Variants in CDH18 observed in about 807,000 individuals in gnomAD.
CDH18 encodes cadherin-18.
A neutral mutation model predicts 67.9 loss-of-function variants in CDH18; 31 were observed. That is an observed-to-expected ratio of 0.46 (90% CI 0.34 to 0.62). The LOEUF is 0.62. Among genes scored for constraint, CDH18 ranks in the 20% least tolerant of loss-of-function variants. CDH18 has a pLI of 0.01. For missense variants in CDH18, 890 were observed against 975.5 expected (o/e 0.91, Z 1.17); for synonymous variants, 362 against 347.2 (o/e 1.04, Z -0.48).
chr5:20,062,843 G>A (rs1421240712), intron 2 of CDH18, among the ~76,000 whole-genome samples: 1 of 152,036 alleles, frequency 6.6e-6, no homozygotes, highest in Admixed American at 6.6e-5. Context: ...TAACATAATA[G>A]CTAAGAACAT....
chr5:19,584,083 T>C (rs1293462853), intron 7 of CDH18, among the ~76,000 whole-genome samples: 1 of 152,168 alleles, frequency 6.6e-6, no homozygotes, highest in Non-Finnish European at 1.5e-5. Context: ...GAAGAGACTT[T>C]GAGAAAGGCT....
At chr5:19,756,137 C>G (rs1358457101) in intron 3 of CDH18, among the ~76,000 whole-genome samples, 1 of 152,138 alleles carries the variant, frequency 6.6e-6, no homozygotes, top group African/African-American at 2.4e-5. Flanking sequence ...GTCCTCTGTA[C>G]AACTGGAAAC....
chr5:20,238,903 G>A (rs927746900), intron 2 of CDH18, among the ~76,000 whole-genome samples: 1 of 152,126 alleles, frequency 6.6e-6, no homozygotes, highest in East Asian at 1.9e-4. Flanking sequence ...GGCTAGTAAT[G>A]CTTAGAGCTG....
chr5:20,425,439 T>G (rs1158907129), intron 1 of CDH18, among the ~76,000 whole-genome samples: 1 of 150,738 alleles, frequency 6.6e-6, no homozygotes, highest in Non-Finnish European at 1.5e-5. Context: ...AAAAGAAAGA[T>G]AAAATGTATA....
intron 1 of CDH18, among the ~76,000 whole-genome samples, chr5:20,441,720 ATTATT>A (rs759888111): frequency 4.0e-5 from 6 of 151,816 alleles, no homozygotes; most frequent in Non-Finnish European, 7.4e-5. Flanking sequence ...TTTTATCATT[ATTATT>A]TTGTTTTTAG....
chr5:19,758,111 A>ACCTTCAGGACCTTCATGTAC (rs1185433849), intron 3 of CDH18, among the ~76,000 whole-genome samples: 6 of 152,180 alleles, frequency 3.9e-5, no homozygotes, highest in Non-Finnish European at 7.3e-5. Context: ...TTTCTCATGT[A>ACCTTCAGGACCTTCATGTAC]ACTTACTTGT....
intron 1 of CDH18, among the ~76,000 whole-genome samples, chr5:20,514,400 T>C (rs1480806763): frequency 6.6e-6 from 1 of 152,162 alleles, no homozygotes; most frequent in East Asian, 1.9e-4. Flanking sequence ...GTTTATTTCC[T>C]TTCATTGTTA....
intron 2 of CDH18, among the ~76,000 whole-genome samples, chr5:20,200,122 G>A (rs944504016): frequency 1.3e-5 from 2 of 152,284 alleles, no homozygotes; most frequent in Middle Eastern, 3.4e-3. Flanking sequence ...CATTAAATCC[G>A]ATAATTATTT....
chr5:19,755,754 A>G (rs7722212), intron 3 of CDH18, among the ~76,000 whole-genome samples: 144,464 of 151,448 alleles, frequency 0.95, 69,169 homozygotes, highest in East Asian at 1. Flanking sequence ...CTTGGAGTCC[A>G]ATGTTTGAGG....
rs112801112 is a variant in CDH18, at chr5:20,012,575, C to G, written c.-517-20561G>C. ...AGAGCTAACCAAGGAGGTGAAAGAT[C>G]TCTACAAAGAGAACTAAATACAAAC... On this transcript the variant is annotated intron_variant, in intron 2 of 14. Coordinates refer to the CDH18 transcript ENST00000507958. Among the ~76,000 whole-genome samples, 2,822 of 152,094 alleles carry G rather than the reference C, an allele frequency of 0.019. 181 individuals are homozygous for G. In the East Asian group the frequency reaches 0.25, roughly 13 times the overall value.
intron 2 of CDH18, among the ~76,000 whole-genome samples, chr5:20,117,815 T>G (rs1748043382): frequency 6.6e-6 from 1 of 152,222 alleles, no homozygotes; most frequent in African/African-American, 2.4e-5. Context: ...AAGTATTTTT[T>G]GTTTAATAGG....
rs141604144 is a variant in CDH18, at chr5:19,594,445, C to T, written c.812-3201G>A. On this transcript the variant is annotated intron_variant, in intron 6 of 12. Transcript: ENST00000382275. ...GGATTACAGGCATGAGCCACTTCGC[C>T]CGGCCTGTTTTTAAAGAGACTATCC... Among the ~76,000 whole-genome samples the T allele has an allele frequency of 7.2e-3, 1,091 of 152,244 alleles. 14 individuals are homozygous for T. The highest frequency in any genetic ancestry group is 0.025 in the African/African-American group (1,033 of 41,540).
At chr5:19,869,662 C>A (rs1786005408) in intron 2 of CDH18, among the ~76,000 whole-genome samples, 1 of 152,042 alleles carries the variant, frequency 6.6e-6, no homozygotes. Context: ...TGAGATCATC[C>A]ATTTTTTCAA....
intron 1 of CDH18, among the ~76,000 whole-genome samples, chr5:20,475,642 A>T (rs1752385659): frequency 3.3e-5 from 5 of 152,184 alleles, no homozygotes; most frequent in African/African-American, 1.2e-4. Flanking sequence ...TGAACAGTCT[A>T]GGTAAATAAT....
intron 2 of CDH18, among the ~76,000 whole-genome samples, chr5:20,108,044 C>T (rs1439184304): frequency 6.6e-6 from 1 of 151,478 alleles, no homozygotes; most frequent in African/African-American, 2.4e-5. Context: ...CCTCATTTTA[C>T]ATTAATCGCC....
chr5:20,388,332 T>C (rs562820505), intron 1 of CDH18, among the ~76,000 whole-genome samples: 31 of 152,348 alleles, frequency 2.0e-4, no homozygotes, highest in African/African-American at 7.5e-4. Flanking sequence ...CCATTTCTTC[T>C]AGATTTTCTA....
chr5:20,345,341 C>T (rs952981223), intron 1 of CDH18, among the ~76,000 whole-genome samples: 5 of 152,090 alleles, frequency 3.3e-5, no homozygotes, highest in African/African-American at 1.2e-4. Flanking sequence ...TGCCAAGGAT[C>T]CCTTAATCCG....
At chr5:19,694,166 G>A (rs1328052200) in intron 5 of CDH18, among the ~76,000 whole-genome samples, 2 of 152,068 alleles carry the variant, frequency 1.3e-5, no homozygotes, top group East Asian at 3.9e-4. Context: ...CGTCAATAGT[G>A]TATGTATCTT....
At chr5:20,088,266 T>C (rs551742924) in intron 2 of CDH18, among the ~76,000 whole-genome samples, 2 of 152,304 alleles carry the variant, frequency 1.3e-5, no homozygotes, top group East Asian at 3.9e-4. Context: ...TTCTCTAACA[T>C]GCGTATGCAC....
Sources: allele counts gnomAD v4.1 joint callset (sites outside exome capture counted in the v4.1 genomes callset), GRCh38; gene constraint gnomAD v4.1.1; transcripts MANE v1.5; gene names NCBI Gene and HGNC (gene_info 2026-07-23, HGNC 2026-07-21).